Variants in PARD3 observed in about 807,000 individuals in gnomAD.
PARD3 encodes par-3 family cell polarity regulator.
A neutral mutation model predicts 155.4 loss-of-function variants in PARD3; 75 were observed. The observed-to-expected ratio is 0.48, with a 90% CI of 0.40 to 0.58. The LOEUF is 0.58. Ranked by LOEUF, PARD3 falls within the 20% of genes least tolerant of loss-of-function variation. The probability of loss-of-function intolerance (pLI) is 0.00; values close to 1 mark genes in which losing one functional copy is unlikely to be tolerated. For missense variants in PARD3, 1,642 were observed against 1,721.7 expected, an observed-to-expected ratio of 0.95 and a Z score of 0.82; for synonymous variants, 576 against 610.5, an observed-to-expected ratio of 0.94 and a Z score of 0.83.
At chr10:34,182,237 T>G (rs557461310) in intron 22 of PARD3, among the ~76,000 whole-genome samples, 8 of 152,162 alleles carry the variant, frequency 5.3e-5, no homozygotes, top group Non-Finnish European at 1.2e-4. Context: ...GACAGGCAGC[T>G]CCAGCAAGGA....
At chr10:34,678,798 T>C (rs980772936) in intron 2 of PARD3, among the ~76,000 whole-genome samples, 2 of 151,632 alleles carry the variant, frequency 1.3e-5, no homozygotes, top group African/African-American at 4.8e-5. Flanking sequence ...TGACTTTCAA[T>C]TCCCCCCGCC....
chr10:34,350,266 C>T (rs1837904553), intron 14 of PARD3, among the ~76,000 whole-genome samples: 1 of 152,164 alleles, frequency 6.6e-6, no homozygotes, highest in African/African-American at 2.4e-5. Context: ...GAGGCAACCC[C>T]AGTGGTCCTG....
chr10:34,484,429 T>C (rs2079300361), intron 3 of PARD3, among the ~76,000 whole-genome samples: 2 of 152,250 alleles, frequency 1.3e-5, no homozygotes, highest in African/African-American at 2.4e-5. Flanking sequence ...TTCCAGATAC[T>C]GCTCTTGTGC....
intron 2 of PARD3, among the ~76,000 whole-genome samples, chr10:34,567,504 C>G (rs2086050235): frequency 6.6e-6 from 1 of 152,226 alleles, no homozygotes; most frequent in Admixed American, 6.5e-5. Context: ...AAAGTTGAGT[C>G]CTTTGGCGGC....
At chr10:34,337,461 A>G (rs1320170994) in intron 16 of PARD3, 35 bp from the exon 17 acceptor site, 1 of 1,449,532 alleles carries the variant, frequency 6.9e-7, no homozygotes, top group Non-Finnish European at 9.2e-7. Flanking sequence ...AAAAATATTT[A>G]CTAAAAATAG....
chr10:34,529,816 C>T (rs538930037), intron 2 of PARD3, among the ~76,000 whole-genome samples: 1 of 152,074 alleles, frequency 6.6e-6, no homozygotes, highest in Non-Finnish European at 1.5e-5. Flanking sequence ...TCACTGCAAC[C>T]TCCACCTCCC....
chr10:34,337,678 CCT>C (rs896962525), intron 16 of PARD3, among the ~76,000 whole-genome samples: 11 of 152,110 alleles, frequency 7.2e-5, no homozygotes, highest in African/African-American at 1.2e-4. Context: ...TCTCTACTTT[CCT>C]CTCTGTTTCT....
intron 1 of PARD3, among the ~76,000 whole-genome samples, chr10:34,803,753 A>T (rs546998496): frequency 3.9e-5 from 6 of 152,214 alleles, no homozygotes; most frequent in African/African-American, 1.4e-4. Context: ...CAGTGAGCCG[A>T]GATCGCGCCA....
chr10:34,557,424 C>T (rs1211272453), intron 2 of PARD3, among the ~76,000 whole-genome samples: 2 of 152,000 alleles, frequency 1.3e-5, no homozygotes, highest in Non-Finnish European at 2.9e-5. Flanking sequence ...ATCGCTTGAG[C>T]CCAGCAGTCT....
intron 3 of PARD3, among the ~76,000 whole-genome samples, chr10:34,483,150 C>T (rs2079203061): frequency 6.6e-6 from 1 of 152,080 alleles, no homozygotes; most frequent in East Asian, 1.9e-4. Context: ...GAGCGAAACT[C>T]CATCTCAGAA....
At chr10:34,252,890 C>G (rs1004390023) in intron 22 of PARD3, among the ~76,000 whole-genome samples, 5 of 152,108 alleles carry the variant, frequency 3.3e-5, no homozygotes, top group African/African-American at 1.2e-4. Context: ...ACCACCTGCA[C>G]TTTTAAAAAT....
At chr10:34,582,607 T>G (rs900189264) in intron 2 of PARD3, among the ~76,000 whole-genome samples, 1 of 152,200 alleles carries the variant, frequency 6.6e-6, no homozygotes, top group Admixed American at 6.5e-5. Flanking sequence ...TATAAACCAA[T>G]TGGTACAGCC....
At chr10:34,665,709 G>A (rs367960842) in intron 2 of PARD3, among the ~76,000 whole-genome samples, 3 of 149,876 alleles carry the variant, frequency 2.0e-5, no homozygotes, top group Admixed American at 6.6e-5. Context: ...ATGGTGGCAC[G>A]TGCCTATAGT....
intron 2 of PARD3, among the ~76,000 whole-genome samples, chr10:34,621,896 C>T (rs2132717321): frequency 6.6e-6 from 1 of 152,194 alleles, no homozygotes; most frequent in Admixed American, 6.5e-5. Flanking sequence ...AAGTAAATTC[C>T]CAAACCATGG....
At chr10:34,683,249 G>T (rs1399959801) in intron 2 of PARD3, among the ~76,000 whole-genome samples, 1 of 152,006 alleles carries the variant, frequency 6.6e-6, no homozygotes, top group African/African-American at 2.4e-5. Context: ...GTGGGAGGCG[G>T]GGAGAGAAGC....
intron 1 of PARD3, among the ~76,000 whole-genome samples, chr10:34,783,560 C>T (rs1056599136): frequency 1.4e-5 from 2 of 143,268 alleles, no homozygotes; most frequent in Non-Finnish European, 3.0e-5. Context: ...GTTGAGATCA[C>T]GCCACTGTGC....
chr10:34,518,818 T>G (rs577125790), intron 2 of PARD3, among the ~76,000 whole-genome samples: 50 of 152,128 alleles, frequency 3.3e-4, no homozygotes, highest in Non-Finnish European at 5.3e-4. Flanking sequence ...AACAGGATAT[T>G]TGCATAGCTC....
intron 20 of PARD3, among the ~76,000 whole-genome samples, chr10:34,290,295 A>G (rs1422643478): frequency 6.6e-6 from 1 of 152,266 alleles, no homozygotes; most frequent in Non-Finnish European, 1.5e-5. Flanking sequence ...ATAGATGAAC[A>G]GAATATCCGG....
At chr10:34,312,700 T>C (rs926416229) in intron 20 of PARD3, among the ~76,000 whole-genome samples, 1 of 152,202 alleles carries the variant, frequency 6.6e-6, no homozygotes, top group Admixed American at 6.5e-5. Context: ...AATGGTAATA[T>C]TGCAACATTT....
Sources: allele counts gnomAD v4.1 joint callset (sites outside exome capture counted in the v4.1 genomes callset), GRCh38; gene constraint gnomAD v4.1.1; transcripts MANE v1.5; gene names NCBI Gene and HGNC (gene_info 2026-07-23, HGNC 2026-07-21).